The following NOL4L variants were observed in gnomAD, a reference collection of about 807,000 sequenced individuals.
The protein encoded by NOL4L is nucleolar protein 4-like.
Under a neutral mutation model 64.5 loss-of-function variants are expected in NOL4L, and 7 were observed. The ratio of observed to expected loss-of-function variants is 0.11; its 90% CI spans 0.06 to 0.20. The LOEUF is 0.20. Ranked by LOEUF, NOL4L falls within the 10% of genes least tolerant of loss-of-function variation. NOL4L has a pLI of 1.00. For missense variants in NOL4L, 680 were observed against 967.1 expected, an observed-to-expected ratio of 0.70 and a Z score of 3.94; for synonymous variants, 413 against 401.0, an observed-to-expected ratio of 1.03 and a Z score of -0.36.
In NOL4L at chr20:32,460,057, A is replaced by G. The variant is rs1168023285; in HGVS notation, c.842-3662T>C. ...GGAACAGGCAAATTCACAGAGACAG[A>G]AGGTACAGTGAGGCTCCACGGGCTG... On this transcript the variant is annotated intron_variant, in intron 5 of 10. Coordinates refer to ENST00000621426, the MANE Select transcript of NOL4L (RefSeq NM_001256798.2). The surrounding 1 kb of genome is among the most constrained non-coding windows in gnomAD (Gnocchi z 5.7). Among the ~76,000 whole-genome samples, 1 of 152,196 alleles carries G rather than the reference A, an allele frequency of 6.6e-6. No homozygotes were observed. Among genetic ancestry groups the G allele is most frequent in the African/African-American group, 2.4e-5 (1 of 41,434 alleles).
chr20:32,515,120 A>G (rs1412276011), intron 3 of NOL4L, among the ~76,000 whole-genome samples: 1 of 152,154 alleles, frequency 6.6e-6, no homozygotes, highest in Non-Finnish European at 1.5e-5. Flanking sequence ...TGGCCAGGAC[A>G]GCACCCTTGG....
Position 32,474,645 on chromosome 20 carries a change from T to G in NOL4L, c.797A>C (p.Asp266Ala). The change falls in exon 5 of 11, where the codon GAC (aspartate) becomes GCC (alanine). Residue 266 changes from aspartate to alanine, a missense_variant. Physicochemically the swap from Asp to Ala is moderately radical, Grantham distance 126 (BLOSUM62 -2). Transcript: ENST00000621426. ...GTTCTGCGGGCTCCGCATCCTCTCG[T>G]CCTGGCTGGGGCTCAGGCTGGAGGC... ...HLASSLSPSQ[D>A]ERMRSPQNLH... 1 of 1,613,766 alleles carries G rather than the reference T, an allele frequency of 6.2e-7. No individual in the cohort carries two copies. The highest frequency in any genetic ancestry group is 8.5e-7 in the Non-Finnish European group (1 of 1,179,938).
intron 3 of NOL4L, 52 bp from the exon 4 acceptor site, chr20:32,511,508 T>C (rs159428): frequency 0.58 from 752,446 of 1,301,306 alleles, 227,856 homozygotes; most frequent in East Asian, 1. Context: ...GCGGGCCTGT[T>C]GCCCACATGG....
intron 1 of NOL4L, among the ~76,000 whole-genome samples, chr20:32,556,367 C>T (rs1361216171): frequency 2.6e-5 from 4 of 151,972 alleles, no homozygotes; most frequent in Non-Finnish European, 5.9e-5. Flanking sequence ...AAATGTGAAA[C>T]TCATTCCTGA....
chr20:32,474,781 G>C, intron 4 of NOL4L, 39 bp from the exon 5 acceptor site: 1 of 1,557,272 alleles, frequency 6.4e-7, no homozygotes, highest in East Asian at 2.4e-5. Flanking sequence ...CAGCAGGGAC[G>C]GGCTCTCATC....
At chr20:32,473,649 C>G (rs565354893) in intron 5 of NOL4L, among the ~76,000 whole-genome samples, 75 of 152,322 alleles carry the variant, frequency 4.9e-4, no homozygotes, top group Non-Finnish European at 3.1e-4. Flanking sequence ...TTGACCCAAA[C>G]AGCAAGGCTC....
chr20:32,492,323 G>T (rs1422129922), intron 4 of NOL4L, among the ~76,000 whole-genome samples: 1 of 152,200 alleles, frequency 6.6e-6, no homozygotes, highest in Non-Finnish European at 1.5e-5. Context: ...GAGCAAACGA[G>T]CACATGCTGT....
intron 4 of NOL4L, among the ~76,000 whole-genome samples, chr20:32,502,518 G>A (rs1014277174): frequency 6.6e-6 from 1 of 152,092 alleles, no homozygotes. Flanking sequence ...GCCTGAATCC[G>A]GGAGGCGGAG....
chr20:32,536,398 A>T, intron 1 of NOL4L: 2 of 738,494 alleles, frequency 2.7e-6, no homozygotes, highest in Non-Finnish European at 3.2e-6. Context: ...CTGGAGGGGG[A>T]GGGGAGTGGG....
intron 1 of NOL4L, among the ~76,000 whole-genome samples, chr20:32,560,484 C>CTAA (rs1978943339): frequency 6.6e-6 from 1 of 152,190 alleles, no homozygotes. Flanking sequence ...ACCCGCTGCC[C>CTAA]CAACTGTCAC....
chr20:32,470,464 C>T (rs575492320), intron 5 of NOL4L, among the ~76,000 whole-genome samples: 1 of 152,386 alleles, frequency 6.6e-6, no homozygotes, highest in African/African-American at 2.4e-5. Flanking sequence ...AGGCCTGGCT[C>T]TCAGGGTGCT....
intron 3 of NOL4L, among the ~76,000 whole-genome samples, chr20:32,511,866 C>T (rs1388497301): frequency 3.9e-5 from 6 of 152,024 alleles, no homozygotes; most frequent in African/African-American, 7.3e-5. Flanking sequence ...ATTAGCCAGA[C>T]GTGGTGGTGT....
At chr20:32,524,111 C>T (rs1245872490) in intron 2 of NOL4L, among the ~76,000 whole-genome samples, 1 of 152,188 alleles carries the variant, frequency 6.6e-6, no homozygotes, top group Non-Finnish European at 1.5e-5. Flanking sequence ...AAAAAGGAAG[C>T]AAAAGGGCTT....
intron 1 of NOL4L, among the ~76,000 whole-genome samples, chr20:32,539,201 T>C (rs2018611544): frequency 1.3e-5 from 2 of 152,174 alleles, no homozygotes; most frequent in Non-Finnish European, 2.9e-5. Flanking sequence ...CCCTGTCACG[T>C]GGTTAAGCAC....
intron 1 of NOL4L, among the ~76,000 whole-genome samples, chr20:32,552,466 G>A (rs1001655140): frequency 6.6e-6 from 1 of 150,680 alleles, no homozygotes; most frequent in African/African-American, 2.4e-5. Flanking sequence ...GCGGGCGGAT[G>A]ACCTGAGGTC....
intron 4 of NOL4L, among the ~76,000 whole-genome samples, chr20:32,500,751 C>T (rs8116318): frequency 0.016 from 2,457 of 151,814 alleles, 80 homozygotes; most frequent in African/African-American, 0.056. Flanking sequence ...AAACAAGAAA[C>T]GAACAAACAA....
At chr20:32,558,532 G>C (rs189175391) in intron 1 of NOL4L, among the ~76,000 whole-genome samples, 2 of 152,208 alleles carry the variant, frequency 1.3e-5, no homozygotes, top group Non-Finnish European at 2.9e-5. Context: ...ACTGACTCAC[G>C]GTTCTGGAAA....
At chr20:32,583,436 G>A (rs1980629367) in intron 1 of NOL4L, among the ~76,000 whole-genome samples, 1 of 148,694 alleles carries the variant, frequency 6.7e-6, no homozygotes, top group Non-Finnish European at 1.5e-5. Flanking sequence ...CGGGCGGGCC[G>A]GCCGGGGGAG....
chr20:32,483,379 C>T (rs981423420), intron 4 of NOL4L: 12 of 984,706 alleles, frequency 1.2e-5, no homozygotes, highest in Admixed American at 6.2e-5. Flanking sequence ...GGAAGCGAGG[C>T]GGAGATGGGC....
Sources: gnomAD v4.1 joint callset for allele counts (sites outside exome capture counted in the v4.1 genomes callset) on GRCh38, gnomAD v4.1.1 for gene constraint, Gnocchi (gnomAD v3.1) non-coding constraint, MANE v1.5 for transcripts, NCBI Gene and HGNC (gene_info 2026-07-23, HGNC 2026-07-21) for gene names.